SASS6: variants seen among roughly 807,000 people sequenced by gnomAD.
The protein encoded by SASS6 is spindle assembly abnormal protein 6 homolog.
A neutral mutation model predicts 94.9 loss-of-function variants in SASS6; 59 were observed. The observed-to-expected ratio is 0.62, with a 90% CI of 0.50 to 0.77. The LOEUF is 0.77. Ranked by LOEUF, SASS6 falls within the 30% of genes least tolerant of loss-of-function variation. The probability of loss-of-function intolerance (pLI) is 0.00; values close to 1 mark genes in which losing one functional copy is unlikely to be tolerated. For missense variants in SASS6, 698 were observed against 734.1 expected (o/e 0.95, Z 0.57); for synonymous variants, 264 against 270.0 (o/e 0.98, Z 0.22).
intron 1 of SASS6, 78 bp downstream of exon 1, chr1:100,132,672 A>C: frequency 8.2e-7 from 1 of 1,223,414 alleles, no homozygotes. Flanking sequence ...GGTGGATCCC[A>C]CGGGCCAGAA....
Position 100,085,180 on chromosome 1 carries a change from G to T in SASS6, c.*148C>A. 1 of 612,370 alleles carries T rather than the reference G, an allele frequency of 1.6e-6. No individual in the cohort carries two copies. Among genetic ancestry groups the T allele is most frequent in the Non-Finnish European group, 2.9e-6 (1 of 339,484 alleles). 37.9% of individuals were successfully genotyped at this position (612,370 alleles called of 1,614,324 possible). Reference sequence around the variant, plus strand: ...CAAATTTGTTCCTATATTATAAACTGCCATAAAAGCAGTACTTAAAGTATC... The same window carrying T: ...CAAATTTGTTCCTATATTATAAACTTCCATAAAAGCAGTACTTAAAGTATC... On this transcript the variant is annotated 3_prime_UTR_variant, in exon 17 of 17. Coordinates refer to ENST00000287482, the MANE Select transcript of SASS6 (RefSeq NM_194292.3).
At chr1:100,129,705 A>G (rs1050258601) in intron 1 of SASS6, among the ~76,000 whole-genome samples, 3 of 152,242 alleles carry the variant, frequency 2.0e-5, no homozygotes, top group Non-Finnish European at 4.4e-5. Context: ...CAGCAGGGGT[A>G]ATAGTATAGA....
intron 1 of SASS6, among the ~76,000 whole-genome samples, chr1:100,132,294 G>A (rs1655111332): frequency 6.6e-6 from 1 of 152,144 alleles, no homozygotes; most frequent in Admixed American, 6.5e-5. Flanking sequence ...CAAATTGGTA[G>A]GTTTTTAAAA....
At chr1:100,106,041 A>G in intron 12 of SASS6, 138 bp from the exon 13 acceptor site, 1 of 514,396 alleles carries the variant, frequency 1.9e-6, no homozygotes. Context: ...AGAGCAATAT[A>G]GGTTCACCTA....
intron 15 of SASS6, among the ~76,000 whole-genome samples, chr1:100,086,544 G>A (rs1229048777): frequency 1.4e-5 from 2 of 142,628 alleles, no homozygotes; most frequent in African/African-American, 2.6e-5. Context: ...ACAGGTTCTC[G>A]TTTTGAGGCC....
chr1:100,110,215 C>CA, intron 8 of SASS6, 77 bp downstream of exon 8: 1 of 810,992 alleles, frequency 1.2e-6, no homozygotes. Flanking sequence ...ACACCACCCA[C>CA]ACAAGTAACC....
chr1:100,105,751 T>C lies in SASS6; in HGVS notation c.1545+16A>G. The C allele has an allele frequency of 6.2e-7, 1 of 1,605,642 alleles. No homozygotes were observed. The highest frequency in any genetic ancestry group is 1.1e-5 in the South Asian group (1 of 89,394). ...GAAATTCACTAAGATCACTCACATC[T>C]TGTTTTAAATCTTACCACATTCAGG... is the stretch of plus-strand genomic sequence containing the variant. On this transcript the variant is annotated intron_variant, in intron 13 of 16. Coordinates refer to ENST00000287482, the MANE Select transcript of SASS6 (RefSeq NM_194292.3).
chr1:100,116,440 C>T (rs980891199), intron 7 of SASS6, among the ~76,000 whole-genome samples: 15 of 152,064 alleles, frequency 9.9e-5, no homozygotes, highest in East Asian at 1.9e-4. Flanking sequence ...CAATGTAAAC[C>T]GGTATACCTA....
chr1:100,085,456 G>C (rs1238927006), intron 16 of SASS6, 22 bp from the exon 17 acceptor site: 2 of 1,574,752 alleles, frequency 1.3e-6, no homozygotes, highest in Non-Finnish European at 1.7e-6. Context: ...GACAAAAAAA[G>C]GTTACTGGTA....
chr1:100,108,473 C>G (rs1653077499), intron 8 of SASS6, among the ~76,000 whole-genome samples: 1 of 151,140 alleles, frequency 6.6e-6, no homozygotes, highest in Non-Finnish European at 1.5e-5. Flanking sequence ...GTTAACATTT[C>G]CAGATCTCTC....
At chr1:100,132,227 G>C (rs1655103399) in intron 1 of SASS6, among the ~76,000 whole-genome samples, 1 of 152,026 alleles carries the variant, frequency 6.6e-6, no homozygotes, top group Non-Finnish European at 1.5e-5. Context: ...ATTTTTAGTC[G>C]GTTAAATGTA....
intron 5 of SASS6, among the ~76,000 whole-genome samples, chr1:100,120,971 A>C (rs1570707451): frequency 2.7e-5 from 4 of 146,248 alleles, no homozygotes; most frequent in Non-Finnish European, 3.0e-5. Flanking sequence ...AATGGCGTGA[A>C]CCCGGGAGGC....
At chr1:100,085,779 A>C (rs1353099671) in intron 15 of SASS6, 149 bp from the exon 16 acceptor site, 3 of 534,952 alleles carry the variant, frequency 5.6e-6, no homozygotes, top group Non-Finnish European at 9.8e-6. Context: ...CTGGTTTCTT[A>C]AGCAAATGGT....
At chr1:100,086,026 T>G (rs1014661014) in intron 15 of SASS6, among the ~76,000 whole-genome samples, 21 of 151,552 alleles carry the variant, frequency 1.4e-4, no homozygotes, top group Admixed American at 7.2e-4. Flanking sequence ...CTTCGAAATT[T>G]TCTAGTGCTT....
At chr1:100,110,531 G>A (rs780735431) in intron 7 of SASS6, 48 bp from the exon 8 acceptor site, 2 of 960,734 alleles carry the variant, frequency 2.1e-6, no homozygotes, top group Non-Finnish European at 3.0e-6. Flanking sequence ...AAAAAAATCA[G>A]AAATACAAAT....
intron 14 of SASS6, among the ~76,000 whole-genome samples, chr1:100,097,525 G>A (rs1196739481): frequency 6.6e-6 from 1 of 152,060 alleles, no homozygotes; most frequent in Non-Finnish European, 1.5e-5. Context: ...AGTATACTGA[G>A]TGAAAAGGAA....
At chr1:100,124,345 G>A (rs1443967557) in intron 2 of SASS6, among the ~76,000 whole-genome samples, 1 of 152,180 alleles carries the variant, frequency 6.6e-6, no homozygotes, top group Non-Finnish European at 1.5e-5. Context: ...CCTTGAATGT[G>A]TTCAGGGAAA....
chr1:100,103,340 A>C (rs868860318), intron 13 of SASS6, among the ~76,000 whole-genome samples: 3 of 152,188 alleles, frequency 2.0e-5, no homozygotes, highest in Non-Finnish European at 2.9e-5. Flanking sequence ...CTTTGTACTA[A>C]GTTAAAGCCA....
At chr1:100,119,561 C>T in intron 6 of SASS6, among the ~76,000 whole-genome samples, 1 of 152,168 alleles carries the variant, frequency 6.6e-6, no homozygotes, top group East Asian at 1.9e-4. Context: ...GATGTCTGTC[C>T]CCTCCAAGTC....
Sources: allele counts gnomAD v4.1 joint callset (sites outside exome capture counted in the v4.1 genomes callset), GRCh38; gene constraint gnomAD v4.1.1; transcripts MANE v1.5; gene names NCBI Gene and HGNC (gene_info 2026-07-23, HGNC 2026-07-21).